The following CNTNAP5 variants were observed in gnomAD, a reference collection of about 807,000 sequenced individuals.
CNTNAP5 encodes contactin associated protein family member 5, also known as contactin-associated protein-like 5.
In CNTNAP5, 72 loss-of-function variants were observed where a neutral mutation model predicts 150.2. The observed-to-expected ratio is 0.48, with a 90% CI of 0.40 to 0.58. CNTNAP5 has a LOEUF of 0.58. Among genes scored for constraint, CNTNAP5 ranks in the 20% least tolerant of loss-of-function variants. CNTNAP5 has a pLI of 0.00. For missense variants in CNTNAP5, 1,636 were observed against 1,626.2 expected (o/e 1.01, Z -0.10); for synonymous variants, 672 against 619.8 (o/e 1.08, Z -1.25).
At chr2:124,484,686 C>T (rs976507988) in intron 7 of CNTNAP5, among the ~76,000 whole-genome samples, 1 of 152,150 alleles carries the variant, frequency 6.6e-6, no homozygotes, top group Non-Finnish European at 1.5e-5. Flanking sequence ...CTCTAGCCTG[C>T]TCGACAAATG....
intron 3 of CNTNAP5, among the ~76,000 whole-genome samples, chr2:124,290,773 A>G (rs2104633436): frequency 6.6e-6 from 1 of 152,182 alleles, no homozygotes; most frequent in Non-Finnish European, 1.5e-5. Flanking sequence ...ATGGTCCTGA[A>G]CTTTATTGAA....
At chr2:124,308,382 A>G (rs555052500) in intron 3 of CNTNAP5, among the ~76,000 whole-genome samples, 3 of 152,268 alleles carry the variant, frequency 2.0e-5, no homozygotes, top group South Asian at 2.1e-4. Context: ...GACTAAATTT[A>G]TTCAATTTTC....
At chr2:124,486,608 T>C (rs1693885823) in intron 7 of CNTNAP5, among the ~76,000 whole-genome samples, 1 of 152,086 alleles carries the variant, frequency 6.6e-6, no homozygotes, top group African/African-American at 2.4e-5. Flanking sequence ...GAAAAGAGAG[T>C]TGGGAAGAAA....
At chr2:124,706,799 AGGAGG>A (rs1679657866) in intron 13 of CNTNAP5, among the ~76,000 whole-genome samples, 4 of 7,746 alleles carry the variant, frequency 5.2e-4, no homozygotes, top group Admixed American at 1.4e-3. Flanking sequence ...AAGAAGAAGG[AGGAGG>A]AGGAGGAGGA....
chr2:124,678,272 C>A (rs1678989668), intron 13 of CNTNAP5, among the ~76,000 whole-genome samples: 1 of 151,784 alleles, frequency 6.6e-6, no homozygotes, highest in African/African-American at 2.4e-5. Flanking sequence ...AGGAATTTCC[C>A]CTTTATCCTT....
intron 3 of CNTNAP5, among the ~76,000 whole-genome samples, chr2:124,356,280 G>T (rs2104707631): frequency 6.6e-6 from 1 of 150,922 alleles, no homozygotes; most frequent in East Asian, 1.9e-4. Context: ...TGCTTTGACA[G>T]ATGTGGATCC....
At chr2:124,654,899 A>T (rs1343415590) in intron 13 of CNTNAP5, among the ~76,000 whole-genome samples, 1 of 152,000 alleles carries the variant, frequency 6.6e-6, no homozygotes. Context: ...GGAAGACAAA[A>T]TATCAGGGTA....
chr2:124,553,720 T>C (rs186354426), intron 10 of CNTNAP5, among the ~76,000 whole-genome samples: 7 of 152,204 alleles, frequency 4.6e-5, no homozygotes, highest in Admixed American at 4.6e-4. Flanking sequence ...ACTTGGCCAA[T>C]AGATTAAATC....
At chr2:124,875,243 G>T (rs1319627473) in intron 21 of CNTNAP5, among the ~76,000 whole-genome samples, 1 of 151,976 alleles carries the variant, frequency 6.6e-6, no homozygotes, top group Non-Finnish European at 1.5e-5. Flanking sequence ...TTGAATTATG[G>T]CTGCCATTTA....
chr2:124,421,094 T>G (rs1298525503), intron 4 of CNTNAP5, among the ~76,000 whole-genome samples: 2 of 152,204 alleles, frequency 1.3e-5, no homozygotes, highest in Non-Finnish European at 2.9e-5. Flanking sequence ...GTTTGCTAAT[T>G]GGCTATCTCA....
At chr2:124,603,711 C>T (rs1446963015) in intron 11 of CNTNAP5, among the ~76,000 whole-genome samples, 1 of 152,104 alleles carries the variant, frequency 6.6e-6, no homozygotes, top group East Asian at 1.9e-4. Context: ...TATTAAACTT[C>T]AGAGGGGACC....
In CNTNAP5 at chr2:124,439,538, C is replaced by A. The variant is rs149945546; in HGVS notation, c.733+4851C>A. ...GTTAGACACCAGAGTAGAGCAACAA[C>A]TCCTAAATCTGGAGAGTGTTTTTAG... is the stretch of plus-strand genomic sequence containing the variant. On this transcript the variant is annotated intron_variant, in intron 5 of 23. Coordinates refer to ENST00000682447, the MANE Select transcript of CNTNAP5 (RefSeq NM_001367498.1). Among the ~76,000 whole-genome samples the A allele has an allele frequency of 8.7e-4, 133 of 152,288 alleles. 2 individuals are homozygous for A. Among genetic ancestry groups the A allele is most frequent in the African/African-American group, 3.2e-3 (132 of 41,570 alleles).
intron 12 of CNTNAP5, among the ~76,000 whole-genome samples, chr2:124,615,722 T>C (rs1677480522): frequency 6.6e-6 from 1 of 152,222 alleles, no homozygotes; most frequent in South Asian, 2.1e-4. Context: ...CAATTTACTT[T>C]GCCCAGACAC....
chr2:124,113,497 TAC>T (rs1683349566), intron 1 of CNTNAP5, among the ~76,000 whole-genome samples: 1 of 128,046 alleles, frequency 7.8e-6, no homozygotes, highest in Non-Finnish European at 1.6e-5. Flanking sequence ...ATTCAACTGA[TAC>T]ATATATATGT....
intron 1 of CNTNAP5, among the ~76,000 whole-genome samples, chr2:124,213,576 G>T (rs1686077009): frequency 6.6e-6 from 1 of 152,124 alleles, no homozygotes; most frequent in African/African-American, 2.4e-5. Flanking sequence ...CACATCATTA[G>T]CTCATTATAT....
chr2:124,889,218 G>T (rs1678143715), intron 21 of CNTNAP5, among the ~76,000 whole-genome samples: 1 of 149,846 alleles, frequency 6.7e-6, no homozygotes, highest in Non-Finnish European at 1.5e-5. Context: ...TGCTGTTTCA[G>T]CCTCCCAAGT....
chr2:124,602,338 CAAAAAAA>C (rs35316532), intron 11 of CNTNAP5, among the ~76,000 whole-genome samples: 2 of 89,792 alleles, frequency 2.2e-5, no homozygotes, highest in African/African-American at 8.9e-5. Flanking sequence ...AAGACTTCAC[CAAAAAAA>C]AAAAAAAAAA....
chr2:124,737,772 T>C (rs936145243), intron 13 of CNTNAP5, among the ~76,000 whole-genome samples: 2 of 152,188 alleles, frequency 1.3e-5, no homozygotes, highest in African/African-American at 4.8e-5. Flanking sequence ...GAGATCGTTA[T>C]GGCTGTGGCT....
At chr2:124,820,835 T>A (rs1001326130) in intron 19 of CNTNAP5, among the ~76,000 whole-genome samples, 1 of 152,270 alleles carries the variant, frequency 6.6e-6, no homozygotes, top group Non-Finnish European at 1.5e-5. Context: ...TCACATTATA[T>A]CTCACTGGCT....
Sources: gnomAD v4.1 joint callset for allele counts (sites outside exome capture counted in the v4.1 genomes callset) on GRCh38, gnomAD v4.1.1 for gene constraint, MANE v1.5 for transcripts, NCBI Gene and HGNC (gene_info 2026-07-23, HGNC 2026-07-21) for gene names.